ZSWIM6: variants seen among roughly 807,000 people sequenced by gnomAD.
ZSWIM6 encodes the protein zinc finger SWIM-type containing 6, also known as zinc finger SWIM domain-containing protein 6.
Under a neutral mutation model 113.2 loss-of-function variants are expected in ZSWIM6, and 9 were observed. That is an observed-to-expected ratio of 0.08 (90% CI 0.05 to 0.14). The LOEUF (loss-of-function observed/expected upper bound fraction) is 0.14. ZSWIM6 is among the 10% of genes least tolerant of loss of function. The pLI, the probability that ZSWIM6 is intolerant of heterozygous loss-of-function variation, is 1.00. For missense variants in ZSWIM6, 1,162 were observed against 1,552.2 expected, an observed-to-expected ratio of 0.75 and a Z score of 4.22; for synonymous variants, 611 against 606.5, an observed-to-expected ratio of 1.01 and a Z score of -0.11.
At chr5:61,377,822 T>TA (rs1362823099) in intron 1 of ZSWIM6, among the ~76,000 whole-genome samples, 1 of 150,764 alleles carries the variant, frequency 6.6e-6, no homozygotes, top group African/African-American at 2.4e-5. Context: ...AACAAACCAA[T>TA]AAAAAGACTA....
At chr5:61,534,271 TGTTA>T (rs1209886855) in intron 9 of ZSWIM6, among the ~76,000 whole-genome samples, 3 of 152,216 alleles carry the variant, frequency 2.0e-5, no homozygotes, top group African/African-American at 7.2e-5. Context: ...GAGATTTAGA[TGTTA>T]GTTTAGGTGA....
chr5:61,450,053 A>G (rs1030935444), intron 1 of ZSWIM6, among the ~76,000 whole-genome samples: 2 of 152,192 alleles, frequency 1.3e-5, no homozygotes, highest in African/African-American at 4.8e-5. Flanking sequence ...TAGGAAAATT[A>G]CGTGTTCCAA....
chr5:61,391,256 G>T, intron 1 of ZSWIM6: 1 of 899,392 alleles, frequency 1.1e-6, no homozygotes, highest in Non-Finnish European at 1.9e-6. Flanking sequence ...TGGTTCACAG[G>T]TACCTGCTGC....
chr5:61,532,578 A>T (rs1472147291), intron 9 of ZSWIM6, among the ~76,000 whole-genome samples: 1 of 152,176 alleles, frequency 6.6e-6, no homozygotes, highest in Non-Finnish European at 1.5e-5. Flanking sequence ...AGGGATTTAG[A>T]TTTTCAGCAC....
chr5:61,346,760 G>T (rs957137106), intron 1 of ZSWIM6, among the ~76,000 whole-genome samples: 2 of 152,138 alleles, frequency 1.3e-5, no homozygotes, highest in African/African-American at 4.8e-5. Flanking sequence ...ATCTCCCTTA[G>T]CAACTTACTA....
intron 1 of ZSWIM6, among the ~76,000 whole-genome samples, chr5:61,346,966 G>A (rs774891663): frequency 2.3e-4 from 35 of 152,120 alleles, no homozygotes; most frequent in Admixed American, 7.9e-4. Context: ...ACAGATTCAA[G>A]TTTCATTCAA....
chr5:61,468,245 C>T (rs1038664073), intron 1 of ZSWIM6, among the ~76,000 whole-genome samples: 1 of 152,198 alleles, frequency 6.6e-6, no homozygotes, highest in South Asian at 2.1e-4. Flanking sequence ...TATACAACAC[C>T]GTGCCTTGGT....
intron 1 of ZSWIM6, among the ~76,000 whole-genome samples, chr5:61,419,891 A>G (rs187773524): frequency 2.8e-4 from 43 of 152,342 alleles, no homozygotes; most frequent in Admixed American, 2.5e-3. Context: ...TTGTGGTTTC[A>G]TCAATAGAAA....
chr5:61,344,152 C>T (rs1744606296), intron 1 of ZSWIM6, among the ~76,000 whole-genome samples: 2 of 152,190 alleles, frequency 1.3e-5, no homozygotes, highest in Admixed American at 6.5e-5. Context: ...ACCTTGGCCT[C>T]CCAGAGTGTT....
chr5:61,477,249 G>A (rs958788274), intron 2 of ZSWIM6, among the ~76,000 whole-genome samples: 2 of 152,140 alleles, frequency 1.3e-5, no homozygotes, highest in African/African-American at 4.8e-5. Context: ...AAGAGGAAAG[G>A]ATCATTTCAG....
At chr5:61,341,242 G>T (rs1329739134) in intron 1 of ZSWIM6, among the ~76,000 whole-genome samples, 1 of 14,830 alleles carries the variant, frequency 6.7e-5, no homozygotes, top group Non-Finnish European at 1.2e-4. Flanking sequence ...CCTACAATGG[G>T]GGTGCATCCC....
intron 1 of ZSWIM6, among the ~76,000 whole-genome samples, chr5:61,434,385 G>A (rs929133747): frequency 5.3e-5 from 8 of 151,730 alleles, no homozygotes; most frequent in African/African-American, 1.7e-4. Context: ...AGATTTTGGT[G>A]TATCTGTCAC....
At chr5:61,403,862 A>C (rs1745990081) in intron 1 of ZSWIM6, among the ~76,000 whole-genome samples, 2 of 152,110 alleles carry the variant, frequency 1.3e-5, no homozygotes, top group Non-Finnish European at 2.9e-5. Flanking sequence ...ACAGTGAGGA[A>C]ATTAAATTAT....
chr5:61,494,146 G>T, intron 3 of ZSWIM6, 114 bp from the exon 4 acceptor site: 2 of 653,950 alleles, frequency 3.1e-6, no homozygotes, highest in East Asian at 8.4e-5. Flanking sequence ...ACACACACAC[G>T]GAGAGAGAGA....
chr5:61,539,391 A>G (rs1749669573), intron 11 of ZSWIM6, among the ~76,000 whole-genome samples: 1 of 152,310 alleles, frequency 6.6e-6, no homozygotes, highest in African/African-American at 2.4e-5. Flanking sequence ...GCCGAGATTC[A>G]CAGACATTGC....
In ZSWIM6 at chr5:61,543,563, G is replaced by T. The variant is rs1412183323; in HGVS notation, c.2894G>T (p.Arg965Leu). Residue 965 changes from arginine (R) to leucine (L), a missense_variant, in exon 14 of 14, where the codon CGC becomes CTC. Around this residue, in one of 4 missense-constraint regions of ZSWIM6, gnomAD observed 620 missense variants for 804.6 expected, o/e 0.77. Coordinates refer to ENST00000252744, the MANE Select transcript of ZSWIM6 (RefSeq NM_020928.2). The surrounding 1 kb of genome is among the most constrained non-coding windows in gnomAD (Gnocchi z 4.3). ...GTGATGTCCAACAGCACCATCGTCC[G>T]CCTCCACCTGGACTGCCACCAGCAG... is the stretch of plus-strand genomic sequence containing the variant. ...TTVMSNSTIV[R>L]LHLDCHQQEK... 6.4e-7 allele frequency: 1 copy of T among 1,551,394 alleles called. No individual in the cohort carries two copies. The highest frequency in any genetic ancestry group is 8.7e-7 in the Non-Finnish European group (1 of 1,147,014).
intron 1 of ZSWIM6, among the ~76,000 whole-genome samples, chr5:61,462,770 C>A (rs936986252): frequency 6.6e-6 from 1 of 152,352 alleles, no homozygotes; most frequent in East Asian, 1.9e-4. Flanking sequence ...TTTGTCCTTA[C>A]AGCTGTCCTA....
At chr5:61,411,062 G>A (rs1746140681) in intron 1 of ZSWIM6, among the ~76,000 whole-genome samples, 1 of 152,172 alleles carries the variant, frequency 6.6e-6, no homozygotes, top group South Asian at 2.1e-4. Flanking sequence ...ATGCTGACTG[G>A]TCTCTCCATC....
chr5:61,334,838 C>G (rs927285755), intron 1 of ZSWIM6, among the ~76,000 whole-genome samples: 133 of 150,670 alleles, frequency 8.8e-4, no homozygotes, highest in African/African-American at 3.1e-3. Flanking sequence ...TATGGCTTCT[C>G]AGTATAACAA....
Sources: allele counts gnomAD v4.1 joint callset (sites outside exome capture counted in the v4.1 genomes callset), GRCh38; gene constraint gnomAD v4.1.1; regional missense constraint gnomAD v4.1.1; non-coding constraint Gnocchi (gnomAD v3.1); transcripts MANE v1.5; gene names NCBI Gene and HGNC (gene_info 2026-07-23, HGNC 2026-07-21).